The following ARID4B variants were observed in gnomAD, a reference collection of about 807,000 sequenced individuals.
ARID4B encodes the protein AT-rich interaction domain 4B, also known as AT-rich interactive domain-containing protein 4B.
Under a neutral mutation model 147.5 loss-of-function variants are expected in ARID4B, and 26 were observed. That is an observed-to-expected ratio of 0.18 (90% CI 0.13 to 0.24). ARID4B has a LOEUF of 0.24. Among genes scored for constraint, ARID4B ranks in the 10% least tolerant of loss-of-function variants. The probability of loss-of-function intolerance (pLI) is 1.00; values close to 1 mark genes in which losing one functional copy is unlikely to be tolerated. For synonymous variants in ARID4B, 512 were observed against 507.9 expected (o/e 1.01, Z -0.11); for missense variants, 1,179 against 1,511.5 (o/e 0.78, Z 3.65).
intron 2 of ARID4B, among the ~76,000 whole-genome samples, chr1:235,323,634 A>G (rs1204276889): frequency 1.3e-5 from 2 of 151,936 alleles, no homozygotes; most frequent in Non-Finnish European, 2.9e-5. Context: ...AAAGCACAAA[A>G]TTAGCCCGGC....
chr1:235,317,707 T>G (rs1429126006), intron 2 of ARID4B, among the ~76,000 whole-genome samples: 1 of 152,208 alleles, frequency 6.6e-6, no homozygotes, highest in Non-Finnish European at 1.5e-5. Flanking sequence ...ACGGAAACCT[T>G]GAATACCAGA....
intron 3 of ARID4B, 57 bp downstream of exon 3, chr1:235,260,584 TA>T: frequency 1.5e-6 from 2 of 1,317,940 alleles, no homozygotes; most frequent in Non-Finnish European, 2.1e-6. Context: ...ACTCACCAAA[TA>T]AAAGTTTACA....
At chr1:235,201,634 A>G (rs1409147641) in intron 17 of ARID4B, among the ~76,000 whole-genome samples, 1 of 152,112 alleles carries the variant, frequency 6.6e-6, no homozygotes, top group South Asian at 2.1e-4. Flanking sequence ...GAATACAATA[A>G]TCTTAGTAAG....
chr1:235,204,262 C>A (rs1181832302), intron 17 of ARID4B, among the ~76,000 whole-genome samples: 6 of 152,176 alleles, frequency 3.9e-5, no homozygotes, highest in Non-Finnish European at 8.8e-5. Flanking sequence ...GCGGAGGTTG[C>A]AGTGAGCCAA....
At chr1:235,232,034 G>C (rs1668271272) in intron 9 of ARID4B, among the ~76,000 whole-genome samples, 1 of 151,908 alleles carries the variant, frequency 6.6e-6, no homozygotes. Context: ...GCAGGGAGCT[G>C]ACTGGAAAAA....
chr1:235,169,933 A>C (rs1663221726), intron 23 of ARID4B, among the ~76,000 whole-genome samples: 1 of 152,164 alleles, frequency 6.6e-6, no homozygotes, highest in Non-Finnish European at 1.5e-5. Context: ...AAGTGCTGGA[A>C]TTACAGGCGT....
At chr1:235,177,989 G>A in intron 20 of ARID4B, 76 bp from the exon 21 acceptor site, 1 of 815,140 alleles carries the variant, frequency 1.2e-6, no homozygotes, top group Non-Finnish European at 1.9e-6. Flanking sequence ...CCACATTTTA[G>A]AAACATAGAA....
At chr1:235,298,527 A>T (rs1179175210) in intron 2 of ARID4B, among the ~76,000 whole-genome samples, 1 of 148,440 alleles carries the variant, frequency 6.7e-6, no homozygotes, top group African/African-American at 2.4e-5. Context: ...ACGTATATTT[A>T]TATATATCCA....
intron 2 of ARID4B, among the ~76,000 whole-genome samples, chr1:235,317,537 A>T (rs1047653429): frequency 6.6e-6 from 1 of 152,222 alleles, no homozygotes; most frequent in Non-Finnish European, 1.5e-5. Context: ...TAAGGTGAAC[A>T]TGAAGATAGT....
At chr1:235,202,116 T>A (rs1665983480) in intron 17 of ARID4B, among the ~76,000 whole-genome samples, 1 of 151,374 alleles carries the variant, frequency 6.6e-6, no homozygotes, top group Non-Finnish European at 1.5e-5. Context: ...TGATTACAAA[T>A]CATAATTGGC....
chr1:235,228,366 G>C (rs1414151912), intron 11 of ARID4B: 2 of 146,504 alleles, frequency 1.4e-5, no homozygotes, highest in Non-Finnish European at 3.0e-5. Context: ...TAAATTCACG[G>C]CTCATTGCAA....
intron 2 of ARID4B, among the ~76,000 whole-genome samples, chr1:235,278,217 T>TA (rs1671461282): frequency 2.0e-5 from 3 of 152,204 alleles, no homozygotes; most frequent in Admixed American, 1.3e-4. Context: ...CCTGGAGTTT[T>TA]AAAAAACTAT....
chr1:235,274,135 G>C (rs1329432807), intron 2 of ARID4B, among the ~76,000 whole-genome samples: 1 of 152,096 alleles, frequency 6.6e-6, no homozygotes, highest in Admixed American at 6.5e-5. Flanking sequence ...CACTTTGGGA[G>C]GCCAAGGCAG....
intron 2 of ARID4B, among the ~76,000 whole-genome samples, chr1:235,279,690 AG>A (rs1295869135): frequency 6.6e-6 from 1 of 152,228 alleles, no homozygotes; most frequent in African/African-American, 2.4e-5. Flanking sequence ...ACCTGGATTT[AG>A]GGAGGGTTCC....
At chr1:235,323,502 C>A (rs1296907932) in intron 2 of ARID4B, among the ~76,000 whole-genome samples, 4 of 151,990 alleles carry the variant, frequency 2.6e-5, no homozygotes, top group Admixed American at 1.3e-4. Context: ...AAGTAAAAAT[C>A]GGCCGGGCGC....
chr1:235,228,229 G>GTGACAGC (rs1386489693), intron 11 of ARID4B: 3 of 150,688 alleles, frequency 2.0e-5, no homozygotes, highest in African/African-American at 7.3e-5. Flanking sequence ...ATTTCATGAG[G>GTGACAGC]TGACAGCTGT....
chr1:235,296,996 G>A (rs1439771560), intron 2 of ARID4B, among the ~76,000 whole-genome samples: 3 of 151,986 alleles, frequency 2.0e-5, no homozygotes, highest in African/African-American at 7.2e-5. Context: ...AGGGCTACTT[G>A]TTCTTTTCTT....
At chr1:235,206,397 G>A (rs972423163) in intron 17 of ARID4B, among the ~76,000 whole-genome samples, 5 of 151,848 alleles carry the variant, frequency 3.3e-5, no homozygotes, top group Admixed American at 6.6e-5. Context: ...CCTTTGGCTC[G>A]GAAAAATAAT....
intron 8 of ARID4B, among the ~76,000 whole-genome samples, chr1:235,236,761 C>T (rs550623032): frequency 1.9e-4 from 27 of 143,832 alleles, no homozygotes; most frequent in Middle Eastern, 3.8e-3. Flanking sequence ...GATCTGCCCA[C>T]CTCGGCCTCC....
Sources: allele counts gnomAD v4.1 joint callset (sites outside exome capture counted in the v4.1 genomes callset), GRCh38; gene constraint gnomAD v4.1.1; transcripts MANE v1.5; gene names NCBI Gene and HGNC (gene_info 2026-07-23, HGNC 2026-07-21).